CPNE4: variants seen among roughly 807,000 people sequenced by gnomAD.
CPNE4 encodes the protein copine-4.
CPNE4 carries 25 observed loss-of-function variants against 67.9 expected under a neutral mutation model. That is an observed-to-expected ratio of 0.37 (90% confidence interval 0.27 to 0.51). The LOEUF is 0.51. CPNE4 is among the 20% of genes least tolerant of loss of function. The pLI is 0.93. For synonymous variants in CPNE4, 242 were observed against 244.9 expected (o/e 0.99, Z 0.11); for missense variants, 464 against 690.8 (o/e 0.67, Z 3.68).
rs56890555 is a variant in CPNE4 at position 131,657,704 on chromosome 3, TTGTGTGTGTGTGTGTG to T, written c.681+11955_681+11970del. ...CACGTGCCACCACGTCCAGCTAATT[TTGTGTGTGTGTGTGTG>T]TGTGTGTGTGTGTGTGTGTGTGTTT... is the stretch of plus-strand genomic sequence containing the variant. On this transcript the variant is annotated intron_variant, in intron 7 of 15. Coordinates refer to ENST00000429747, the MANE Select transcript of CPNE4 (RefSeq NM_130808.3). Among the ~76,000 whole-genome samples, 10 of 140,936 alleles carry T rather than the reference TTGTGTGTGTGTGTGTG, an allele frequency of 7.1e-5. No individual in the cohort carries two copies. The South Asian group carries it at 9.4e-4, about 13-fold the overall frequency. 92.5% of individuals were successfully genotyped at this position (140,936 alleles called of 152,430 possible). A position where few individuals can be genotyped will look rare whatever the true frequency, so the allele number is the denominator to read the frequency against.
Position 131,699,790 on chromosome 3 carries a change from T to G in CPNE4, c.432+119A>C, listed in dbSNP as rs1410072905. On this transcript the variant is annotated intron_variant, in intron 4 of 15. Coordinates refer to ENST00000429747, the MANE Select transcript of CPNE4 (RefSeq NM_130808.3). ...TAAGGGAGTGATTTCAATAGTTCAG[T>G]AGTTGTGGCACCAACTCCCAATATC... 6 of 610,342 alleles carry G rather than the reference T, an allele frequency of 9.8e-6. No individual in the cohort carries two copies. The East Asian group carries it at 1.7e-4, about 17-fold the overall frequency. The allele number at this position is 610,342 out of a possible 1,614,324, so 37.8% of individuals were successfully genotyped here.
chr3:131,576,724 G>GT (rs916107067), intron 9 of CPNE4, among the ~76,000 whole-genome samples: 11 of 151,278 alleles, frequency 7.3e-5, no homozygotes, highest in South Asian at 2.1e-4. Context: ...TTTACTGTGT[G>GT]TTTTTTTTTC....
At position 131,696,573 on chromosome 3, in the gene CPNE4, A is replaced by G. The variant is rs1470792658; in HGVS notation, c.476T>C (p.Leu159Pro). ...ELSGNDDYVE[L>P]AFNARKLDDK... is the part of the protein sequence containing the mutation. ...ATCCAATTTCCGTGCATTGAATGCA[A>G]GCTCAACATAGTCGTCATTGCCAGA... The change falls in exon 5 of 16, where the codon CTT becomes CCT. Residue 159 changes from leucine (L) to proline (P), a missense_variant. Leu to Pro is a moderately conservative substitution (Grantham distance 98). Around this residue, in one of 6 missense-constraint regions of CPNE4, gnomAD observed 170 missense variants for 203.3 expected, o/e 0.84. Transcript: ENST00000429747. The G allele has an allele frequency of 6.2e-7, 1 of 1,613,932 alleles. No homozygotes were observed. Among genetic ancestry groups the G allele is most frequent in the Non-Finnish European group, 8.5e-7 (1 of 1,179,946 alleles).
intron 7 of CPNE4, among the ~76,000 whole-genome samples, chr3:131,613,186 T>C (rs938001338): frequency 2.0e-5 from 3 of 152,202 alleles, no homozygotes; most frequent in African/African-American, 7.2e-5. Flanking sequence ...GTTTTAGCAA[T>C]TCCAGGTTCT....
chr3:131,905,426 G>A lies in CPNE4; in HGVS notation c.18C>T (p.Asn6=). Residue 6 remains asparagine (N), a synonymous_variant, in exon 2 of 16, where the codon AAC becomes AAT. Coordinates refer to ENST00000429747, the MANE Select transcript of CPNE4 (RefSeq NM_130808.3). ...GTGTGTTGGCAGCGGACTCATAAAT[G>A]TTGCTCATCTTCTTCATTCTGTTTT... MKKMS[N]IYESAANTLG... The A allele has an allele frequency of 6.2e-7, 1 of 1,612,908 alleles. No homozygotes were observed. Among genetic ancestry groups the A allele is most frequent in the Non-Finnish European group, 8.5e-7 (1 of 1,179,444 alleles).
chr3:132,022,220 C>G (rs2074013841), intron 1 of CPNE4, among the ~76,000 whole-genome samples: 1 of 152,182 alleles, frequency 6.6e-6, no homozygotes, highest in South Asian at 2.1e-4. Flanking sequence ...GGAGACCCAC[C>G]TATCTTCCCT....
At chr3:131,804,556 A>G (rs538775266) in intron 2 of CPNE4, among the ~76,000 whole-genome samples, 1 of 152,244 alleles carries the variant, frequency 6.6e-6, no homozygotes, top group Non-Finnish European at 1.5e-5. Context: ...GTTTTCTTTT[A>G]CCTTTTCCTG....
chr3:131,924,098 C>G (rs1319179423), intron 1 of CPNE4, among the ~76,000 whole-genome samples: 1 of 152,156 alleles, frequency 6.6e-6, no homozygotes, highest in East Asian at 1.9e-4. Flanking sequence ...CATTACGTGT[C>G]CCCTGGGGAC....
At chr3:131,896,990 AG>A (rs1476448298) in intron 2 of CPNE4, among the ~76,000 whole-genome samples, 1 of 152,160 alleles carries the variant, frequency 6.6e-6, no homozygotes, top group East Asian at 1.9e-4. Context: ...TGGATACAAA[AG>A]AAGGCAGATT....
At chr3:131,650,554 G>C (rs140230849) in intron 7 of CPNE4, among the ~76,000 whole-genome samples, 14 of 142,564 alleles carry the variant, frequency 9.8e-5, no homozygotes, top group African/African-American at 4.0e-4. Context: ...TCGGGAGATC[G>C]AGACCACGGT....
At chr3:131,874,021 A>G (rs892349866) in intron 2 of CPNE4, among the ~76,000 whole-genome samples, 5 of 152,050 alleles carry the variant, frequency 3.3e-5, no homozygotes, top group African/African-American at 1.2e-4. Flanking sequence ...TGAACATTTC[A>G]TCTCAATTTT....
At chr3:131,994,297 T>G (rs932648901) in intron 1 of CPNE4, among the ~76,000 whole-genome samples, 4 of 136,066 alleles carry the variant, frequency 2.9e-5, no homozygotes, top group African/African-American at 9.8e-5. Flanking sequence ...AAGGTGAGTT[T>G]TTTAGTTATA....
intron 1 of CPNE4, among the ~76,000 whole-genome samples, chr3:132,004,389 C>T (rs1177052173): frequency 6.6e-6 from 1 of 151,954 alleles, no homozygotes; most frequent in Non-Finnish European, 1.5e-5. Flanking sequence ...GTATAGGATG[C>T]ATGTATGTCT....
At chr3:131,864,391 G>T (rs1484674315) in intron 2 of CPNE4, among the ~76,000 whole-genome samples, 2 of 152,056 alleles carry the variant, frequency 1.3e-5, no homozygotes, top group Non-Finnish European at 2.9e-5. Flanking sequence ...TTGAGCAGTG[G>T]TTTGTAGTTC....
chr3:132,008,273 G>A (rs549540780), intron 1 of CPNE4, among the ~76,000 whole-genome samples: 15 of 152,258 alleles, frequency 9.9e-5, no homozygotes, highest in African/African-American at 3.6e-4. Context: ...CTGTTGAAGA[G>A]TAATCTAAAA....
chr3:131,767,791 T>C (rs1318865043), intron 2 of CPNE4, among the ~76,000 whole-genome samples: 2 of 151,898 alleles, frequency 1.3e-5, no homozygotes, highest in Non-Finnish European at 2.9e-5. Flanking sequence ...TATTTATTTA[T>C]TTATTTATTT....
rs368599221 is a variant in CPNE4 at position 131,944,466 on chromosome 3, T to C, written c.-1-39022A>G. 2.6e-5 allele frequency among the ~76,000 whole-genome samples: 4 copies of C among 152,140 alleles called. No individual in the cohort carries two copies. The East Asian group carries it at 5.8e-4, about 22-fold the overall frequency. On this transcript the variant is annotated intron_variant, in intron 1 of 15. Coordinates refer to ENST00000429747, the MANE Select transcript of CPNE4 (RefSeq NM_130808.3). ...CCCACAGGTTGCTCCTGGCTATTAG[T>C]ACTACTAATATTTCACTCTCCACAA...
intron 14 of CPNE4, among the ~76,000 whole-genome samples, chr3:131,544,620 G>A (rs899847285): frequency 2.6e-5 from 4 of 152,186 alleles, no homozygotes; most frequent in African/African-American, 4.8e-5. Context: ...TTTAGAGAAG[G>A]CTTTCAGTAG....
At chr3:131,790,011 C>G (rs2083675265) in intron 2 of CPNE4, among the ~76,000 whole-genome samples, 1 of 152,134 alleles carries the variant, frequency 6.6e-6, no homozygotes, top group Non-Finnish European at 1.5e-5. Flanking sequence ...CTTGTCAGAT[C>G]ATTTAGTGGA....
Sources: gnomAD v4.1 joint callset for allele counts (sites outside exome capture counted in the v4.1 genomes callset) on GRCh38, gnomAD v4.1.1 for gene constraint, gnomAD v4.1.1 regional missense constraint, MANE v1.5 for transcripts, NCBI Gene and HGNC (gene_info 2026-07-23, HGNC 2026-07-21) for gene names.